Variants in TMEM117 observed in about 807,000 individuals in gnomAD.
TMEM117 encodes the protein transmembrane protein 117.
In TMEM117, 27 loss-of-function variants were observed where a neutral mutation model predicts 52.4. The observed-to-expected ratio is 0.51, with a 90% CI of 0.38 to 0.71. The LOEUF is 0.71. Among genes scored for constraint, TMEM117 ranks in the 30% least tolerant of loss-of-function variants. TMEM117 has a pLI of 0.00. For synonymous variants in TMEM117, 215 were observed against 206.3 expected (o/e 1.04, Z -0.36); for missense variants, 556 against 630.5 (o/e 0.88, Z 1.26).
chr12:44,182,305 G>A (rs1176039300), intron 4 of TMEM117, among the ~76,000 whole-genome samples: 1 of 152,128 alleles, frequency 6.6e-6, no homozygotes, highest in Non-Finnish European at 1.5e-5. Context: ...TGCAAACAGG[G>A]ACAATTTGAC....
At chr12:44,352,247 A>G (rs1951573147) in intron 6 of TMEM117, among the ~76,000 whole-genome samples, 1 of 151,982 alleles carries the variant, frequency 6.6e-6, no homozygotes, top group African/African-American at 2.4e-5. Context: ...TGTACCCACA[A>G]ACATTTTTAA....
chr12:44,393,360 T>C (rs1188207491), downstream of TMEM117, among the ~76,000 whole-genome samples: 1 of 152,172 alleles, frequency 6.6e-6, no homozygotes, highest in East Asian at 1.9e-4. Context: ...TTTCACCCTA[T>C]CCAGATCTTT....
rs543018183 is a variant in TMEM117, at chr12:44,090,853, T to G, written c.411-52672T>G. On this transcript the variant is annotated intron_variant, in intron 3 of 7. Transcript: ENST00000266534. The stretch of plus-strand genomic sequence containing the variant: ...TGTATTTATGTGTTTTTTTTTGTTT[T>G]TTTTTTTTTTTTGCTGAGTGCAGGC... Among the ~76,000 whole-genome samples the G allele has an allele frequency of 1.1e-4, 16 of 148,176 alleles. 1 individual carries two copies. The East Asian group carries it at 2.9e-3, about 27-fold the overall frequency.
chr12:43,966,914 C>G (rs1446386487), intron 3 of TMEM117, among the ~76,000 whole-genome samples: 1 of 151,970 alleles, frequency 6.6e-6, no homozygotes, highest in African/African-American at 2.4e-5. Flanking sequence ...TCTGTCATGC[C>G]CTGCCTCAGA....
intron 6 of TMEM117, among the ~76,000 whole-genome samples, chr12:44,319,840 A>G (rs1301561812): frequency 6.6e-6 from 1 of 152,058 alleles, no homozygotes; most frequent in Non-Finnish European, 1.5e-5. Flanking sequence ...ACCTAACTAT[A>G]TGTCTCTTTC....
rs536902412 is a variant in TMEM117, at chr12:44,067,378, A to G, written c.411-76147A>G. On this transcript the variant is annotated intron_variant, in intron 3 of 7. Transcript: ENST00000266534. Reference sequence around the variant, plus strand: ...AATTTACTTTGCCCAGATACATCAGAGGAATCACTATCTATGGCTGCTATA... The same window carrying G: ...AATTTACTTTGCCCAGATACATCAGGGGAATCACTATCTATGGCTGCTATA... 3.3e-5 allele frequency among the ~76,000 whole-genome samples: 5 copies of G among 152,284 alleles called. No homozygotes were observed. In the South Asian group the frequency reaches 6.2e-4, roughly 19 times the overall value.
At chr12:43,798,522 T>A in the TMEM117 span, 1 of 1,484,708 alleles carries the variant, frequency 6.7e-7, no homozygotes, top group Non-Finnish European at 8.9e-7. Context: ...GCATAAATGA[T>A]ATTGGTTAAT....
chr12:43,854,569 G>C (rs1943366548), intron 2 of TMEM117, among the ~76,000 whole-genome samples: 1 of 152,110 alleles, frequency 6.6e-6, no homozygotes, highest in Non-Finnish European at 1.5e-5. Context: ...ACAGTTCACA[G>C]AACAGTAAAG....
intron 5 of TMEM117, among the ~76,000 whole-genome samples, chr12:44,214,305 C>T (rs1281020062): frequency 6.6e-6 from 1 of 151,602 alleles, no homozygotes; most frequent in Non-Finnish European, 1.5e-5. Context: ...ACCACCACGC[C>T]CAGCTAGTTT....
In TMEM117 at chr12:44,277,333, T is replaced by C. The variant is rs368724911; in HGVS notation, c.609-22247T>C. Among the ~76,000 whole-genome samples the C allele has an allele frequency of 9.0e-4, 137 of 152,320 alleles. No homozygotes were observed. The East Asian group carries it at 0.015, about 16-fold the overall frequency. On this transcript the variant is annotated intron_variant, in intron 5 of 7. Coordinates refer to ENST00000266534, the MANE Select transcript of TMEM117 (RefSeq NM_032256.3). ...AAATGTTTCCAATGAACAATCATTT[T>C]AGGATCCCAAGTATCCTAAATTTCT...
At chr12:44,114,160 C>G (rs1257480177) in intron 3 of TMEM117, among the ~76,000 whole-genome samples, 1 of 151,828 alleles carries the variant, frequency 6.6e-6, no homozygotes, top group Non-Finnish European at 1.5e-5. Flanking sequence ...GCAGTAATCA[C>G]CCGTCTTCTG....
chr12:44,383,058 G>A (rs963402230), intron 7 of TMEM117, among the ~76,000 whole-genome samples: 4 of 152,076 alleles, frequency 2.6e-5, no homozygotes, highest in Non-Finnish European at 5.9e-5. Flanking sequence ...ATGGTTTTGT[G>A]CTGTCCCATG....
chr12:44,073,279 G>A (rs1464634003), intron 3 of TMEM117, among the ~76,000 whole-genome samples: 1 of 152,172 alleles, frequency 6.6e-6, no homozygotes, highest in Non-Finnish European at 1.5e-5. Context: ...GAATATCAGA[G>A]CAAGGATTTA....
chr12:44,103,164 C>T (rs1223514476), intron 3 of TMEM117, among the ~76,000 whole-genome samples: 1 of 150,526 alleles, frequency 6.6e-6, no homozygotes, highest in Admixed American at 6.6e-5. Context: ...TTTATGATCA[C>T]TTACTTTACA....
At chr12:43,974,724 A>G (rs1015466667) in intron 3 of TMEM117, among the ~76,000 whole-genome samples, 1 of 152,132 alleles carries the variant, frequency 6.6e-6, no homozygotes, top group East Asian at 1.9e-4. Context: ...TATTTAATAT[A>G]ATTTCCTCAT....
intron 2 of TMEM117, among the ~76,000 whole-genome samples, chr12:43,863,725 G>A (rs925474825): frequency 2.4e-4 from 37 of 152,290 alleles, no homozygotes; most frequent in African/African-American, 7.9e-4. Context: ...GGTGAGAGGT[G>A]ACAGCGTGCT....
chr12:43,935,147 T>C (rs1267327291), intron 2 of TMEM117, among the ~76,000 whole-genome samples: 1 of 152,172 alleles, frequency 6.6e-6, no homozygotes, highest in East Asian at 1.9e-4. Context: ...TAGCTGGGAC[T>C]ACAGGTGCTC....
intron 3 of TMEM117, among the ~76,000 whole-genome samples, chr12:43,961,364 T>C (rs1012535082): frequency 6.6e-6 from 1 of 152,088 alleles, no homozygotes; most frequent in Non-Finnish European, 1.5e-5. Context: ...GTAATAGTTA[T>C]TATTAATTTC....
chr12:44,152,947 G>T (rs1284847310), intron 4 of TMEM117, among the ~76,000 whole-genome samples: 1 of 149,562 alleles, frequency 6.7e-6, no homozygotes, highest in Non-Finnish European at 1.5e-5. Flanking sequence ...CTTAAGAATA[G>T]TGCATATACA....
Sources: gnomAD v4.1 joint callset for allele counts (sites outside exome capture counted in the v4.1 genomes callset) on GRCh38, gnomAD v4.1.1 for gene constraint, MANE v1.5 for transcripts, NCBI Gene and HGNC (gene_info 2026-07-23, HGNC 2026-07-21) for gene names.